Variants in CCDC57 observed in about 807,000 individuals in gnomAD.
CCDC57 encodes coiled-coil domain containing 57.
Under a neutral mutation model 118.9 loss-of-function variants are expected in CCDC57, and 118 were observed. That is an observed-to-expected ratio of 0.99 (90% confidence interval 0.86 to 1.16). CCDC57 has a LOEUF of 1.16. Ranked by LOEUF, CCDC57 falls within the 50% of genes most tolerant of loss-of-function variation. The pLI, the probability that CCDC57 is intolerant of heterozygous loss-of-function variation, is 0.00. For synonymous variants in CCDC57, 527 were observed against 532.9 expected, an observed-to-expected ratio of 0.99 and a Z score of 0.15; for missense variants, 1,300 against 1,320.7, an observed-to-expected ratio of 0.98 and a Z score of 0.24.
intron 19 of CCDC57, among the ~76,000 whole-genome samples, chr17:82,109,534 G>GA (rs1383309804): frequency 6.6e-6 from 1 of 152,198 alleles, no homozygotes; most frequent in East Asian, 1.9e-4. Flanking sequence ...ACTGACTAAT[G>GA]AAAAAGAATT....
At chr17:82,122,144 A>C (rs1266110360) in intron 19 of CCDC57, among the ~76,000 whole-genome samples, 1 of 151,836 alleles carries the variant, frequency 6.6e-6, no homozygotes, top group Non-Finnish European at 1.5e-5. Flanking sequence ...CCACTTTCTC[A>C]AGCCTCCTAC....
chr17:82,107,434 C>G, intron 19 of CCDC57: 1 of 469,372 alleles, frequency 2.1e-6, no homozygotes, highest in East Asian at 6.9e-5. Flanking sequence ...TCCATGGCGT[C>G]TCTGCGCCTC....
At chr17:82,204,329 C>A (rs1004676274) in intron 2 of CCDC57, among the ~76,000 whole-genome samples, 6 of 152,114 alleles carry the variant, frequency 3.9e-5, no homozygotes, top group African/African-American at 1.4e-4. Context: ...TCAGCTCCTA[C>A]AACGGCCCCA....
intron 16 of CCDC57, among the ~76,000 whole-genome samples, chr17:82,137,075 T>C (rs1206225115): frequency 2.0e-5 from 3 of 147,826 alleles, no homozygotes; most frequent in Admixed American, 1.4e-4. Context: ...TGGAGTGCAG[T>C]GGTGTGATGT....
At chr17:82,141,123 G>T (rs191117078) in intron 16 of CCDC57, among the ~76,000 whole-genome samples, 2,379 of 151,126 alleles carry the variant, frequency 0.016, 25 homozygotes, top group Middle Eastern at 0.042. Context: ...CTATTCTCCT[G>T]CCTCAGCCTC....
intron 18 of CCDC57, 147 bp from the exon 18 acceptor site, chr17:82,128,055 G>C: frequency 1.6e-6 from 2 of 1,237,466 alleles, no homozygotes; most frequent in South Asian, 3.0e-5. Flanking sequence ...TCACCCAGGA[G>C]AGGCAGCTGC....
chr17:82,151,241 C>T (rs1281378437), intron 16 of CCDC57, among the ~76,000 whole-genome samples: 2 of 147,394 alleles, frequency 1.4e-5, no homozygotes, highest in African/African-American at 5.0e-5. Flanking sequence ...TGGCACACAC[C>T]CAGAACCTGG....
At chr17:82,123,122 CTTTT>C (rs34869339) in intron 19 of CCDC57, among the ~76,000 whole-genome samples, 5 of 105,764 alleles carry the variant, frequency 4.7e-5, no homozygotes, top group African/African-American at 1.5e-4. Context: ...CTCCTAATAA[CTTTT>C]TTTTTTTTTT....
chr17:82,139,041 T>C (rs1049087430), intron 16 of CCDC57, among the ~76,000 whole-genome samples: 1 of 152,236 alleles, frequency 6.6e-6, no homozygotes, highest in Admixed American at 6.5e-5. Flanking sequence ...GCCTCTCCAC[T>C]GGATATTCTT....
At chr17:82,153,472 G>A (rs1006221370) in intron 15 of CCDC57, 2 of 152,214 alleles carry the variant, frequency 1.3e-5, no homozygotes, top group Non-Finnish European at 2.9e-5. Flanking sequence ...GGGGCACTGA[G>A]GGGCCTTCTT....
chr17:82,143,924 C>CT (rs2040364586), intron 16 of CCDC57, among the ~76,000 whole-genome samples: 1 of 141,622 alleles, frequency 7.1e-6, no homozygotes, highest in Admixed American at 7.5e-5. Context: ...CATGGTGAAA[C>CT]CTGTCTCTAC....
At chr17:82,195,988 G>A (rs1202014494) in intron 4 of CCDC57, among the ~76,000 whole-genome samples, 2 of 152,220 alleles carry the variant, frequency 1.3e-5, no homozygotes, top group South Asian at 2.1e-4. Flanking sequence ...TGTTCCCAAC[G>A]TCTGAGATGG....
intron 19 of CCDC57, among the ~76,000 whole-genome samples, chr17:82,116,817 A>G (rs1041489412): frequency 1.3e-5 from 2 of 152,214 alleles, no homozygotes; most frequent in African/African-American, 4.8e-5. Flanking sequence ...CATTATGTGT[A>G]TCTGTAAACC....
At chr17:82,133,850 A>ACT (rs58875634) in intron 17 of CCDC57, among the ~76,000 whole-genome samples, 70,630 of 151,530 alleles carry the variant, frequency 0.47, 17,219 homozygotes, top group East Asian at 0.88. Flanking sequence ...ACAGAGCAAG[A>ACT]CTGTCTCAAA....
intron 19 of CCDC57, among the ~76,000 whole-genome samples, chr17:82,117,307 G>A (rs963903984): frequency 6.6e-6 from 1 of 152,104 alleles, no homozygotes; most frequent in Admixed American, 6.6e-5. Context: ...AGCTGAGATT[G>A]CACCACTGTA....
intron 19 of CCDC57, among the ~76,000 whole-genome samples, chr17:82,115,334 T>A (rs2035741475): frequency 6.6e-6 from 1 of 150,668 alleles, no homozygotes; most frequent in African/African-American, 2.5e-5. Flanking sequence ...TGTCCTTCTT[T>A]CCCTTTGGAT....
At chr17:82,176,679 AG>A (rs1471264151) in intron 11 of CCDC57, among the ~76,000 whole-genome samples, 1 of 152,174 alleles carries the variant, frequency 6.6e-6, no homozygotes, top group Non-Finnish European at 1.5e-5. Flanking sequence ...TGGACTTCGT[AG>A]CCCCCATGAC....
intron 14 of CCDC57, among the ~76,000 whole-genome samples, chr17:82,158,204 C>T (rs1021295981): frequency 2.6e-5 from 4 of 152,326 alleles, no homozygotes; most frequent in East Asian, 1.9e-4. Flanking sequence ...GGGGAGAATC[C>T]GTGCATGGAC....
intron 3 of CCDC57, among the ~76,000 whole-genome samples, chr17:82,199,006 A>G (rs2048655922): frequency 8.1e-6 from 1 of 122,858 alleles, no homozygotes; most frequent in African/African-American, 2.9e-5. Context: ...AAAAAAAAAA[A>G]AAAGAAAAAG....
Sources: gnomAD v4.1 joint callset for allele counts (sites outside exome capture counted in the v4.1 genomes callset) on GRCh38, gnomAD v4.1.1 for gene constraint, MANE v1.5 for transcripts, NCBI Gene and HGNC (gene_info 2026-07-23, HGNC 2026-07-21) for gene names.